Variants in STAT3 observed in about 807,000 individuals in gnomAD.
STAT3 encodes DNA-binding protein APRF.
STAT3 carries 7 observed loss-of-function variants against 114.3 expected under a neutral mutation model. The ratio of observed to expected loss-of-function variants is 0.06; its 90% CI spans 0.03 to 0.11. STAT3 has a LOEUF of 0.11. Ranked by LOEUF, STAT3 falls within the 10% of genes least tolerant of loss-of-function variation. The pLI is 1.00. For missense variants in STAT3, 364 were observed against 960.9 expected, an observed-to-expected ratio of 0.38 and a Z score of 8.21; for synonymous variants, 331 against 354.5, an observed-to-expected ratio of 0.93 and a Z score of 0.74.
rs371541785 is a variant in STAT3, at chr17:42,337,525, G to A, written c.707C>T (p.Thr236Met). ...SAMEYVQKTL[T>M]DEELADWKRR... ...CTTCCAGTCAGCCAGCTCCTCGTCCGTGAGAGTTTTCTGCACGTACTCCAT... is the reference window on the plus strand; with the variant it reads ...CTTCCAGTCAGCCAGCTCCTCGTCCATGAGAGTTTTCTGCACGTACTCCAT... Residue 236 changes from threonine to methionine, a missense_variant, in exon 8 of 24, where the codon ACG (threonine) becomes ATG (methionine). By Grantham distance (81) the Thr-to-Met change is moderately conservative (BLOSUM62 -1). Around this residue, in one of 5 missense-constraint regions of STAT3, gnomAD observed 294 missense variants for 745.1 expected, o/e 0.39. Transcript: ENST00000264657. This position sits in a 1 kb window ranked among gnomAD's most constrained non-coding sequence, Gnocchi z 4.0. The A allele has an allele frequency of 3.7e-6, 6 of 1,614,046 alleles. No individual in the cohort carries two copies. Among genetic ancestry groups the A allele is most frequent in the South Asian group, 1.1e-5 (1 of 91,086 alleles).
chr17:42,368,985 T>C (rs2083955591), intron 1 of STAT3, among the ~76,000 whole-genome samples: 1 of 152,112 alleles, frequency 6.6e-6, no homozygotes, highest in Admixed American at 6.6e-5. Context: ...CACTTATAAG[T>C]GAGAACACGT....
Position 42,346,584 on chromosome 17 carries a change from G to A in STAT3, c.258C>T (p.Ile86=), listed in dbSNP as rs1221137406. 6.2e-7 allele frequency: 1 copy of A among 1,614,140 alleles called. No individual in the cohort carries two copies. Among genetic ancestry groups the A allele is most frequent in the East Asian group, 2.2e-5 (1 of 44,866 alleles). Residue 86 remains isoleucine, a synonymous_variant, in exon 3 of 24, where the codon ATC becomes ATT. Coordinates refer to ENST00000264657, the MANE Select transcript of STAT3 (RefSeq NM_139276.3). ...CTCATCATACCTGAAGAAACTGCTT[G>A]ATTCTTCGTAGATTGTGCTGATAGA... ...NVLYQHNLRR[I]KQFLQSRYLE... is the part of the protein sequence containing the mutation.
At chr17:42,354,845 A>C (rs1028599820) in intron 1 of STAT3, among the ~76,000 whole-genome samples, 6 of 150,536 alleles carry the variant, frequency 4.0e-5, no homozygotes, top group African/African-American at 1.2e-4. Context: ...ACCAACAATG[A>C]CTGATTTCAT....
At chr17:42,327,252 A>C (rs538059334) in intron 14 of STAT3, among the ~76,000 whole-genome samples, 2 of 151,178 alleles carry the variant, frequency 1.3e-5, no homozygotes, top group East Asian at 1.9e-4. Flanking sequence ...TGGGTTTATC[A>C]TTTCCTAGCC....
At chr17:42,343,258 G>T (rs1040523929) in intron 4 of STAT3, among the ~76,000 whole-genome samples, 4 of 151,500 alleles carry the variant, frequency 2.6e-5, no homozygotes, top group African/African-American at 9.7e-5. Context: ...AAAAGCAGGG[G>T]GTCACGGAGA....
In STAT3 at chr17:42,313,665, C is replaced by A. The variant is rs2081154417; in HGVS notation, c.*2080G>T. 4 of 232,332 alleles carry A rather than the reference C, an allele frequency of 1.7e-5. No individual in the cohort carries two copies. The allele number at this position is 232,332 out of a possible 1,614,324, so 14.4% of individuals were successfully genotyped here. On this transcript the variant is annotated 3_prime_UTR_variant, in exon 24 of 24. Coordinates refer to ENST00000264657, the MANE Select transcript of STAT3 (RefSeq NM_139276.3). ...AATCAGAGTTAAGACCAGATACATGCTACCTAAGGCCATGAACTTGACAAT... is the reference window on the plus strand; with the variant it reads ...AATCAGAGTTAAGACCAGATACATGATACCTAAGGCCATGAACTTGACAAT...
Position 42,366,579 on chromosome 17 carries a change from G to A in STAT3, c.-23-18040C>T, listed in dbSNP as rs530794498. Among the ~76,000 whole-genome samples the A allele has an allele frequency of 1.5e-3, 231 of 151,982 alleles. 1 individual carries two copies. Among genetic ancestry groups the A allele is most frequent in the African/African-American group, 5.5e-3 (229 of 41,432 alleles). On this transcript the variant is annotated intron_variant, in intron 1 of 23. Coordinates refer to ENST00000264657, the MANE Select transcript of STAT3 (RefSeq NM_139276.3). ...CCAGCTACTTGGGAGGCTGAGGTGG[G>A]GGTATCACTTGAGCCCAGGAGGCGG...
intron 1 of STAT3, among the ~76,000 whole-genome samples, chr17:42,351,669 AAGCTC>A (rs2082966812): frequency 6.6e-6 from 1 of 152,170 alleles, no homozygotes; most frequent in South Asian, 2.1e-4. Flanking sequence ...ACTGGTGAAA[AAGCTC>A]AGTAAAGCAA....
At chr17:42,348,598 A>C (rs1366398530) in intron 1 of STAT3, 59 bp from the exon 2 acceptor site, 5 of 1,599,874 alleles carry the variant, frequency 3.1e-6, no homozygotes, top group Non-Finnish European at 4.3e-6. Context: ...AACAATCTAG[A>C]AGTAGCCATT....
chr17:42,373,154 T>C (rs2084250855), intron 1 of STAT3, among the ~76,000 whole-genome samples: 1 of 151,642 alleles, frequency 6.6e-6, no homozygotes. Flanking sequence ...GATCGAGACA[T>C]CCTGGCTAAC....
At chr17:42,358,952 T>TTTTTG (rs71157616) in intron 1 of STAT3, among the ~76,000 whole-genome samples, 1 of 142,192 alleles carries the variant, frequency 7.0e-6, no homozygotes. Flanking sequence ...TTTTTTTTTT[T>TTTTTG]GAGATGTAGT....
At position 42,314,215 on chromosome 17, in the gene STAT3, G is replaced by A; in HGVS notation, c.*1530C>T. 4.3e-6 allele frequency: 1 copy of A among 232,894 alleles called. No homozygotes were observed. Among genetic ancestry groups the A allele is most frequent in the East Asian group, 6.0e-5 (1 of 16,584 alleles). The allele number at this position is 232,894 out of a possible 1,614,324, so 14.4% of individuals were successfully genotyped here. A position where few individuals can be genotyped will look rare whatever the true frequency, so the allele number is the denominator to read the frequency against. ...TACGAGGGCAGACTCAAGTTTATCA[G>A]TAAGCCTTTGCCCTGCATGAACTGA... On this transcript the variant is annotated 3_prime_UTR_variant, in exon 24 of 24. Coordinates refer to ENST00000264657, the MANE Select transcript of STAT3 (RefSeq NM_139276.3).
chr17:42,339,274 T>C, intron 5 of STAT3, 40 bp downstream of exon 5: 1 of 1,573,396 alleles, frequency 6.4e-7, no homozygotes, highest in Non-Finnish European at 8.7e-7. Context: ...AAAAAAAAAT[T>C]AATGAAAGCT....
In STAT3 at chr17:42,334,439, C is replaced by CTT. The variant is rs56055491; in HGVS notation, c.798-392_798-391dup. On this transcript the variant is annotated intron_variant, in intron 8 of 23. Transcript: ENST00000264657. The stretch of plus-strand genomic sequence containing the variant: ...ACAGGTGTAAGCCACTGCGCCTGGC[C>CTT]TTTTTTTTTTTTTTTTTTTTTTTGA... Among the ~76,000 whole-genome samples the CTT allele has an allele frequency of 3.1e-3, 215 of 70,192 alleles. 1 individual carries two copies. Among genetic ancestry groups the CTT allele is most frequent in the Admixed American group, 5.9e-3 (30 of 5,118 alleles). 46.0% of individuals were successfully genotyped at this position (70,192 alleles called of 152,430 possible).
chr17:42,375,761 G>A (rs935202676), intron 1 of STAT3, among the ~76,000 whole-genome samples: 9 of 151,782 alleles, frequency 5.9e-5, no homozygotes, highest in African/African-American at 2.2e-4. Context: ...TTCGGGAGGC[G>A]GAGGTTGTGG....
intron 2 of STAT3, 28 bp downstream of exon 2, chr17:42,348,360 AT>A: frequency 6.2e-7 from 1 of 1,613,906 alleles, no homozygotes. Context: ...AAACCTAACA[AT>A]TTGGAGAGTC....
At chr17:42,330,785 G>A (rs1401209656) in intron 11 of STAT3, among the ~76,000 whole-genome samples, 3 of 152,064 alleles carry the variant, frequency 2.0e-5, no homozygotes, top group Non-Finnish European at 2.9e-5. Flanking sequence ...ATCCTGAAAG[G>A]TATTGTGAAA....
chr17:42,347,080 C>T (rs577454475), intron 2 of STAT3, among the ~76,000 whole-genome samples: 1 of 145,532 alleles, frequency 6.9e-6, no homozygotes, highest in East Asian at 2.2e-4. Flanking sequence ...CCCAGCTACT[C>T]GGGAGGCTGA....
At position 42,323,160 on chromosome 17, in the gene STAT3, G is replaced by A. The variant is rs573261717; in HGVS notation, c.1749-17C>T. ...ATGATGTACCTGGAGCCAAGGAGGA[G>A]GAACAATGTTGTTATTGCTAACAGG... On this transcript the variant is annotated splice_polypyrimidine_tract_variant and intron_variant, in intron 19 of 23. Coordinates refer to ENST00000264657, the MANE Select transcript of STAT3 (RefSeq NM_139276.3). 18 of 1,614,100 alleles carry A rather than the reference G, an allele frequency of 1.1e-5. No individual in the cohort carries two copies. Among genetic ancestry groups the A allele is most frequent in the Non-Finnish European group, 1.5e-5 (18 of 1,180,038 alleles).
Sources: allele counts gnomAD v4.1 joint callset (sites outside exome capture counted in the v4.1 genomes callset), GRCh38; gene constraint gnomAD v4.1.1; regional missense constraint gnomAD v4.1.1; non-coding constraint Gnocchi (gnomAD v3.1); transcripts MANE v1.5; gene names NCBI Gene and HGNC (gene_info 2026-07-23, HGNC 2026-07-21).